The following DENND1A variants were observed in gnomAD, a reference collection of about 807,000 sequenced individuals.
The protein encoded by DENND1A is DENN domain containing 1A.
Under a neutral mutation model 113.7 loss-of-function variants are expected in DENND1A, and 51 were observed. The observed-to-expected ratio is 0.45, with a 90% CI of 0.36 to 0.57. The LOEUF is 0.57. DENND1A is among the 20% of genes least tolerant of loss of function. The pLI is 0.00. For missense variants in DENND1A, 1,258 were observed against 1,395.9 expected (o/e 0.90, Z 1.57); for synonymous variants, 565 against 570.8 (o/e 0.99, Z 0.14).
chr9:123,545,407 C>A (rs73578141), intron 13 of DENND1A, among the ~76,000 whole-genome samples: 7,679 of 152,080 alleles, frequency 0.05, 377 homozygotes, highest in African/African-American at 0.12. Context: ...CTATACAGAA[C>A]AAATCCACCA....
At chr9:123,833,388 G>A (rs369794625) in intron 2 of DENND1A, among the ~76,000 whole-genome samples, 42 of 152,038 alleles carry the variant, frequency 2.8e-4, no homozygotes, top group African/African-American at 9.2e-4. Context: ...ACAAATAGCT[G>A]GAAAAAAAAT....
intron 9 of DENND1A, among the ~76,000 whole-genome samples, chr9:123,645,088 C>T (rs1335965811): frequency 6.6e-6 from 1 of 152,168 alleles, no homozygotes; most frequent in East Asian, 1.9e-4. Context: ...TATACATTAA[C>T]TGAGCAAAGA....
intron 19 of DENND1A, among the ~76,000 whole-genome samples, chr9:123,424,569 T>C (rs1174382796): frequency 6.6e-6 from 1 of 152,206 alleles, no homozygotes; most frequent in African/African-American, 2.4e-5. Context: ...AGCATACATA[T>C]TCCCAGCTGC....
At chr9:123,564,222 A>G (rs751725955) in intron 12 of DENND1A, among the ~76,000 whole-genome samples, 1 of 152,234 alleles carries the variant, frequency 6.6e-6, no homozygotes, top group Non-Finnish European at 1.5e-5. Context: ...TTTAATACAC[A>G]TTAGTGCTCA....
chr9:123,435,020 A>G (rs1057072167), intron 19 of DENND1A, among the ~76,000 whole-genome samples: 7 of 152,136 alleles, frequency 4.6e-5, no homozygotes, highest in Admixed American at 3.3e-4. Flanking sequence ...GGGGAGAAGG[A>G]GGGCGGAGCC....
intron 2 of DENND1A, among the ~76,000 whole-genome samples, chr9:123,850,984 G>C (rs1843258227): frequency 6.6e-6 from 1 of 152,056 alleles, no homozygotes; most frequent in South Asian, 2.1e-4. Context: ...AAGATGACTG[G>C]ATTTTAAAAG....
chr9:123,673,051 C>T (rs80264709), intron 6 of DENND1A, among the ~76,000 whole-genome samples: 9,862 of 152,226 alleles, frequency 0.065, 416 homozygotes, highest in Middle Eastern at 0.11. Context: ...TTTGTATGGC[C>T]TTGACGATGA....
intron 1 of DENND1A, among the ~76,000 whole-genome samples, chr9:123,918,200 C>T (rs1321827651): frequency 2.6e-5 from 4 of 151,064 alleles, no homozygotes; most frequent in Non-Finnish European, 5.9e-5. Context: ...GAAATTCCCA[C>T]TGGACAGGCC....
At chr9:123,430,898 G>C (rs2046088894) in intron 19 of DENND1A, among the ~76,000 whole-genome samples, 1 of 152,148 alleles carries the variant, frequency 6.6e-6, no homozygotes, top group African/African-American at 2.4e-5. Flanking sequence ...CAGCAACTTG[G>C]GGGCTGAGGC....
At chr9:123,767,485 C>T (rs1829008973) in intron 4 of DENND1A, among the ~76,000 whole-genome samples, 1 of 151,772 alleles carries the variant, frequency 6.6e-6, no homozygotes, top group Admixed American at 6.6e-5. Flanking sequence ...ATATTTCTAA[C>T]AACAACAAAA....
intron 21 of DENND1A, among the ~76,000 whole-genome samples, chr9:123,391,234 G>T (rs1468418420): frequency 6.6e-6 from 1 of 152,224 alleles, no homozygotes; most frequent in East Asian, 1.9e-4. Flanking sequence ...TTCCACAGGA[G>T]GCCTAGCTGT....
At chr9:123,567,605 G>A (rs1245726331) in intron 12 of DENND1A, among the ~76,000 whole-genome samples, 9 of 152,142 alleles carry the variant, frequency 5.9e-5, no homozygotes, top group Non-Finnish European at 1.0e-4. Context: ...AGAGACTAAC[G>A]ACTTTCTTCA....
chr9:123,769,496 T>C lies in DENND1A; in HGVS notation c.182+18A>G. On this transcript the variant is annotated intron_variant, in intron 4 of 23. Transcript: ENST00000394215. ...ATTGATACTTTTTTTCTAGTAAAGT[T>C]TGAAAATCTGACACTACCTGTCCAC... is the stretch of plus-strand genomic sequence containing the variant. The C allele has an allele frequency of 1.9e-6, 3 of 1,594,744 alleles. No homozygotes were observed. Among genetic ancestry groups the C allele is most frequent in the Non-Finnish European group, 2.6e-6 (3 of 1,173,828 alleles).
intron 2 of DENND1A, among the ~76,000 whole-genome samples, chr9:123,845,975 T>C (rs1842559834): frequency 1.3e-5 from 2 of 152,178 alleles, no homozygotes; most frequent in South Asian, 4.1e-4. Context: ...ACATATCTGA[T>C]AACAGGTTTG....
At chr9:123,683,346 C>T (rs572727934) in intron 5 of DENND1A, among the ~76,000 whole-genome samples, 177 of 152,188 alleles carry the variant, frequency 1.2e-3, no homozygotes, top group Admixed American at 2.4e-3. Flanking sequence ...ATAAAAGAGA[C>T]CTTCGGGAAA....
At chr9:123,918,520 G>A (rs1855650600) in intron 1 of DENND1A, among the ~76,000 whole-genome samples, 1 of 151,468 alleles carries the variant, frequency 6.6e-6, no homozygotes, top group Non-Finnish European at 1.5e-5. Context: ...AATTCCCACT[G>A]GACAAAGATA....
At chr9:123,417,946 A>G (rs527990645) in intron 19 of DENND1A, among the ~76,000 whole-genome samples, 35 of 152,172 alleles carry the variant, frequency 2.3e-4, no homozygotes, top group Middle Eastern at 3.4e-3. Flanking sequence ...CAATCAGACA[A>G]GAGTGAGGCT....
chr9:123,618,999 G>A (rs1277816442), intron 10 of DENND1A, among the ~76,000 whole-genome samples: 2 of 152,154 alleles, frequency 1.3e-5, no homozygotes, highest in Non-Finnish European at 2.9e-5. Context: ...CCAGGCTGGA[G>A]TGCAGTGACG....
intron 5 of DENND1A, among the ~76,000 whole-genome samples, chr9:123,701,659 C>A (rs1209421636): frequency 6.6e-6 from 1 of 152,202 alleles, no homozygotes; most frequent in Non-Finnish European, 1.5e-5. Flanking sequence ...GAATAACCCA[C>A]AGCAACAGGC....
Sources: gnomAD v4.1 joint callset for allele counts (sites outside exome capture counted in the v4.1 genomes callset) on GRCh38, gnomAD v4.1.1 for gene constraint, MANE v1.5 for transcripts, NCBI Gene and HGNC (gene_info 2026-07-23, HGNC 2026-07-21) for gene names.